GTF2A1: variants seen among roughly 807,000 people sequenced by gnomAD.
GTF2A1 encodes general transcription factor IIA subunit 1, also known as transcription initiation factor IIA subunit 1.
Under a neutral mutation model 54.1 loss-of-function variants are expected in GTF2A1, and 12 were observed. That is an observed-to-expected ratio of 0.22 (90% CI 0.14 to 0.36). The LOEUF (loss-of-function observed/expected upper bound fraction) is 0.36, where lower values mean the gene tolerates loss of function less well. GTF2A1 is among the 10% of genes least tolerant of loss of function. GTF2A1 has a pLI of 1.00. For missense variants in GTF2A1, 335 were observed against 442.2 expected (o/e 0.76, Z 2.17); for synonymous variants, 145 against 152.0 (o/e 0.95, Z 0.34).
chr14:81,199,173 G>C (rs1893051607), intron 4 of GTF2A1, among the ~76,000 whole-genome samples: 1 of 152,084 alleles, frequency 6.6e-6, no homozygotes, highest in Admixed American at 6.5e-5. Flanking sequence ...TATTTTGAAA[G>C]ACAGCAATTC....
intron 2 of GTF2A1, among the ~76,000 whole-genome samples, chr14:81,214,518 C>T (rs1406152514): frequency 6.6e-6 from 1 of 151,652 alleles, no homozygotes; most frequent in Non-Finnish European, 1.5e-5. Context: ...TCGTGGCGGG[C>T]GCCTGTAGTC....
At position 81,211,875 on chromosome 14, in the gene GTF2A1, T is replaced by TCATATATATATATATATATA. The variant is rs1419902730; in HGVS notation, c.132+4537_132+4538insTATATATATATATATATATG. 1.7e-3 allele frequency among the ~76,000 whole-genome samples: 117 copies of TCATATATATATATATATATA among 68,478 alleles called. 3 individuals are homozygous for TCATATATATATATATATATA. Among genetic ancestry groups the TCATATATATATATATATATA allele is most frequent in the African/African-American group, 5.4e-3 (108 of 19,818 alleles). 44.9% of individuals were successfully genotyped at this position (68,478 alleles called of 152,430 possible). A position where few individuals can be genotyped will look rare whatever the true frequency, so the allele number is the denominator to read the frequency against. On this transcript the variant is annotated intron_variant, in intron 2 of 8. Coordinates refer to ENST00000553612, the MANE Select transcript of GTF2A1 (RefSeq NM_015859.4). Reference sequence around the variant, plus strand: ...ACATAATTAGAGTGTATCAAGTACTTTATATATATATATATATATATATAT... The same window carrying TCATATATATATATATATATA: ...ACATAATTAGAGTGTATCAAGTACTTCATATATATATATATATATATATATATATATATATATATATATAT...
At chr14:81,211,918 A>G (rs1296964053) in intron 2 of GTF2A1, among the ~76,000 whole-genome samples, 1 of 104,776 alleles carries the variant, frequency 9.5e-6, no homozygotes, top group South Asian at 2.6e-4. Context: ...TAACTAGAGT[A>G]TATTTAGAAT....
intron 2 of GTF2A1, among the ~76,000 whole-genome samples, chr14:81,204,731 T>C (rs569604281): frequency 5.3e-5 from 8 of 152,330 alleles, no homozygotes; most frequent in South Asian, 2.1e-4. Flanking sequence ...ATTACGCCAA[T>C]TGACAATCCT....
intron 7 of GTF2A1, among the ~76,000 whole-genome samples, chr14:81,188,607 T>TAA (rs931722519): frequency 2.8e-5 from 4 of 144,606 alleles, no homozygotes; most frequent in African/African-American, 7.6e-5. Flanking sequence ...CCGTCTCTAC[T>TAA]AAAAAAAAAA....
intron 2 of GTF2A1, 72 bp from the exon 3 acceptor site, chr14:81,204,176 A>G (rs1249762151): frequency 6.2e-6 from 6 of 969,506 alleles, no homozygotes; most frequent in Non-Finnish European, 1.0e-5. Context: ...AGTTTTATTA[A>G]TCTCTTTATA....
At position 81,180,185 on chromosome 14, in the gene GTF2A1, T is replaced by A. The variant is rs769076228; in HGVS notation, c.*38A>T. 1.2e-5 allele frequency: 10 copies of A among 851,946 alleles called. No individual in the cohort carries two copies. The highest frequency in any genetic ancestry group is 1.7e-5 in the Non-Finnish European group (9 of 528,548). 52.8% of individuals were successfully genotyped at this position (851,946 alleles called of 1,614,324 possible). ...CAAACTGTCCGCTTTACATTTTTTT[T>A]AAGTTTCTTTTATTTATAAAAGAAA... is the stretch of plus-strand genomic sequence containing the variant. On this transcript the variant is annotated 3_prime_UTR_variant, in exon 9 of 9. Transcript: ENST00000553612.
chr14:81,217,060 A>C (rs1893502910), intron 1 of GTF2A1, among the ~76,000 whole-genome samples: 1 of 152,224 alleles, frequency 6.6e-6, no homozygotes, highest in Non-Finnish European at 1.5e-5. Context: ...GCAGGTCTTA[A>C]GGTCCCAAGG....
intron 8 of GTF2A1, among the ~76,000 whole-genome samples, chr14:81,181,435 C>G (rs1055760652): frequency 1.3e-5 from 2 of 152,090 alleles, no homozygotes; most frequent in African/African-American, 4.8e-5. Flanking sequence ...CAAGTGTATA[C>G]TGCTACTAAG....
At chr14:81,207,456 A>G (rs1220888092) in intron 2 of GTF2A1, among the ~76,000 whole-genome samples, 1 of 152,204 alleles carries the variant, frequency 6.6e-6, no homozygotes, top group Admixed American at 6.5e-5. Context: ...AGTCCAATTA[A>G]ACCTCTTTTT....
intron 1 of GTF2A1, 119 bp from the exon 2 acceptor site, chr14:81,216,633 A>C (rs765398702): frequency 1.8e-6 from 1 of 549,578 alleles, no homozygotes; most frequent in Non-Finnish European, 3.2e-6. Flanking sequence ...TATGACTTTA[A>C]AGATACGACC....
intron 4 of GTF2A1, among the ~76,000 whole-genome samples, chr14:81,199,452 T>C (rs1324514367): frequency 6.6e-6 from 1 of 152,218 alleles, no homozygotes; most frequent in Admixed American, 6.5e-5. Flanking sequence ...AGCCTTCTAC[T>C]ATATTATCTC....
chr14:81,189,658 G>T (rs139015772), intron 7 of GTF2A1, among the ~76,000 whole-genome samples: 1 of 151,582 alleles, frequency 6.6e-6, no homozygotes, highest in African/African-American at 2.4e-5. Flanking sequence ...GTGACAGAGC[G>T]AGACTCCATC....
rs762617419 is a variant in GTF2A1, at chr14:81,191,201, ATT to A, written c.933+1316_933+1317del. Among the ~76,000 whole-genome samples, 605 of 152,312 alleles carry A rather than the reference ATT, an allele frequency of 4.0e-3. 3 individuals carry two copies. The highest frequency in any genetic ancestry group is 7.2e-3 in the Non-Finnish European group (489 of 68,012). On this transcript the variant is annotated intron_variant, in intron 7 of 8. Transcript: ENST00000553612. ...ATCAGGAAGCCTGACACTATCAGGT[ATT>A]GATAAGGGGGTATGGACATCTGCAC... is the stretch of plus-strand genomic sequence containing the variant.
intron 1 of GTF2A1, among the ~76,000 whole-genome samples, chr14:81,218,681 T>C (rs962912743): frequency 6.6e-6 from 1 of 152,096 alleles, no homozygotes; most frequent in African/African-American, 2.4e-5. Context: ...ATTAAGTCAT[T>C]TGTTAGGTTT....
At position 81,220,644 on chromosome 14, in the gene GTF2A1, TAAAC is replaced by T; in HGVS notation, c.-130_-127del. The T allele has an allele frequency of 3.3e-6, 2 of 603,720 alleles. No homozygotes were observed. Among genetic ancestry groups the T allele is most frequent in the Non-Finnish European group, 5.4e-6 (2 of 371,806 alleles). 37.4% of individuals were successfully genotyped at this position (603,720 alleles called of 1,614,324 possible). ...CACCGCAAGATTGGGGAAAAAATTT[TAAAC>T]AAAATCAATCCTGAAGGAGTAGGGG... On this transcript the variant is annotated 5_prime_UTR_variant, in exon 1 of 9. Transcript: ENST00000553612.
At chr14:81,209,098 G>C (rs1893305443) in intron 2 of GTF2A1, among the ~76,000 whole-genome samples, 1 of 152,184 alleles carries the variant, frequency 6.6e-6, no homozygotes, top group South Asian at 2.1e-4. Flanking sequence ...TGGAGGGCCA[G>C]AGACAGAATG....
intron 4 of GTF2A1, among the ~76,000 whole-genome samples, chr14:81,200,095 G>A (rs1210452286): frequency 1.3e-5 from 2 of 152,050 alleles, no homozygotes; most frequent in African/African-American, 2.4e-5. Flanking sequence ...GCAACTACAA[G>A]TACAAACAGA....
chr14:81,210,383 G>A (rs1043185226), intron 2 of GTF2A1, among the ~76,000 whole-genome samples: 6 of 152,042 alleles, frequency 3.9e-5, no homozygotes, highest in Admixed American at 2.0e-4. Flanking sequence ...TTTAAACAAT[G>A]AGGCCGGGCA....
Sources: gnomAD v4.1 joint callset for allele counts (sites outside exome capture counted in the v4.1 genomes callset) on GRCh38, gnomAD v4.1.1 for gene constraint, MANE v1.5 for transcripts, NCBI Gene and HGNC (gene_info 2026-07-23, HGNC 2026-07-21) for gene names.